Variants in TMEM39A observed in about 807,000 individuals in gnomAD.
The protein encoded by TMEM39A is suppressor of SQST-1 aggregates in rpl-43 mutants.
A neutral mutation model predicts 51.9 loss-of-function variants in TMEM39A; 19 were observed. The observed-to-expected ratio is 0.37, with a 90% CI of 0.26 to 0.54. The LOEUF (loss-of-function observed/expected upper bound fraction) is 0.54. TMEM39A is among the 20% of genes least tolerant of loss of function. The probability of loss-of-function intolerance (pLI) is 0.88; values close to 1 mark genes in which losing one functional copy is unlikely to be tolerated. For missense variants in TMEM39A, 433 were observed against 590.5 expected (o/e 0.73, Z 2.76); for synonymous variants, 197 against 220.2 (o/e 0.89, Z 0.93).
chr3:119,435,400 A>C, intron 7 of TMEM39A: 3 of 985,292 alleles, frequency 3.0e-6, no homozygotes, highest in Non-Finnish European at 3.6e-6. Context: ...AACTGTAAGA[A>C]GATATACAGT....
chr3:119,441,017 T>C (rs945344197), intron 5 of TMEM39A, among the ~76,000 whole-genome samples: 1 of 152,216 alleles, frequency 6.6e-6, no homozygotes, highest in Non-Finnish European at 1.5e-5. Flanking sequence ...GTAATTGTTT[T>C]GGGGCACTAC....
intron 5 of TMEM39A, among the ~76,000 whole-genome samples, chr3:119,443,664 C>T (rs572654948): frequency 2.0e-5 from 3 of 152,140 alleles, no homozygotes; most frequent in African/African-American, 4.8e-5. Context: ...CTCTGTAACC[C>T]CAGCACTTTG....
chr3:119,442,167 C>T (rs1217112396), intron 5 of TMEM39A, among the ~76,000 whole-genome samples: 1 of 152,060 alleles, frequency 6.6e-6, no homozygotes, highest in Non-Finnish European at 1.5e-5. Flanking sequence ...ATAGCGAAAC[C>T]CCGACTCTAC....
chr3:119,441,630 C>CA (rs1203067581), intron 5 of TMEM39A, among the ~76,000 whole-genome samples: 1 of 152,186 alleles, frequency 6.6e-6, no homozygotes, highest in Non-Finnish European at 1.5e-5. Flanking sequence ...TGTGAAACAG[C>CA]AAGTGTGAAT....
Position 119,437,988 on chromosome 3 carries a change from C to T in TMEM39A, c.691G>A (p.Val231Met). 6.8e-6 allele frequency: 11 copies of T among 1,614,184 alleles called. No homozygotes were observed. Among genetic ancestry groups the T allele is most frequent in the African/African-American group, 4.0e-5 (3 of 75,058 alleles). Residue 231 changes from valine (V) to methionine (M), a missense_variant, in exon 6 of 9, where the codon GTG becomes ATG. Physicochemically the swap from Val to Met is conservative, Grantham distance 21. Coordinates refer to ENST00000319172, the MANE Select transcript of TMEM39A (RefSeq NM_018266.3). ...TCTTTGGATTTGGCCAAGCCTCCCA[C>T]AGTCGAGGCACTTTCCTCTACTGCC... ...HEAVEESAST[V>M]GGLAKSKDFL...
intron 7 of TMEM39A, 29 bp from the exon 8 acceptor site, chr3:119,434,911 A>G: frequency 6.2e-7 from 1 of 1,608,774 alleles, no homozygotes; most frequent in Non-Finnish European, 8.5e-7. Context: ...CAATGTTAGC[A>G]TATTGGCAAT....
intron 4 of TMEM39A, among the ~76,000 whole-genome samples, chr3:119,448,223 AACTG>A (rs1281500664): frequency 5.3e-5 from 8 of 152,198 alleles, no homozygotes; most frequent in African/African-American, 1.9e-4. Context: ...AAATCTTTAA[AACTG>A]ACTAAATATA....
At chr3:119,432,539 T>C (rs2080915041) in intron 8 of TMEM39A, among the ~76,000 whole-genome samples, 1 of 152,144 alleles carries the variant, frequency 6.6e-6, no homozygotes, top group Admixed American at 6.5e-5. Context: ...AACACAAAAG[T>C]ATATTCATCT....
At chr3:119,432,528 A>C (rs2080914870) in intron 8 of TMEM39A, among the ~76,000 whole-genome samples, 1 of 152,196 alleles carries the variant, frequency 6.6e-6, no homozygotes, top group East Asian at 1.9e-4. Context: ...TATTTAGGAT[A>C]AACACAAAAG....
rs114065322 is a variant in TMEM39A, at chr3:119,460,695, G to A, written c.113+1267C>T. Reference sequence around the variant, plus strand: ...ATAATTATCTAGAGGAATCCTCAAAGCCAAAGTCAAAGAGAACGAACAAAG... The same window carrying A: ...ATAATTATCTAGAGGAATCCTCAAAACCAAAGTCAAAGAGAACGAACAAAG... On this transcript the variant is annotated intron_variant, in intron 2 of 8. Coordinates refer to ENST00000319172, the MANE Select transcript of TMEM39A (RefSeq NM_018266.3). Among the ~76,000 whole-genome samples the A allele has an allele frequency of 2.0e-4, 31 of 152,178 alleles. 1 individual carries two copies. Among genetic ancestry groups the A allele is most frequent in the Non-Finnish European group, 3.8e-4 (26 of 67,984 alleles).
chr3:119,457,997 T>TA (rs770188162), intron 3 of TMEM39A, 21 bp downstream of exon 3: 36 of 1,577,922 alleles, frequency 2.3e-5, no homozygotes, highest in South Asian at 2.2e-5. Context: ...ATGAAGAACT[T>TA]AAAGTCTGAG....
At chr3:119,458,840 AGCTG>A (rs2081299856) in intron 2 of TMEM39A, among the ~76,000 whole-genome samples, 1 of 152,186 alleles carries the variant, frequency 6.6e-6, no homozygotes, top group Non-Finnish European at 1.5e-5. Context: ...GGTTGTGGTG[AGCTG>A]AGGTAGCACC....
Position 119,439,450 on chromosome 3 carries a change from G to A in TMEM39A, c.576-1347C>T, listed in dbSNP as rs139221810. 2.0e-3 allele frequency among the ~76,000 whole-genome samples: 298 copies of A among 151,794 alleles called. 3 individuals are homozygous for A. The highest frequency in any genetic ancestry group is 6.4e-3 in the African/African-American group (265 of 41,350). On this transcript the variant is annotated intron_variant, in intron 5 of 8. Transcript: ENST00000319172. ...ACAAAAATTAGCTGGGTGTGGTGGC[G>A]CGCACCTGCAATCCCAGCTACTCGG... is the stretch of plus-strand genomic sequence containing the variant.
At chr3:119,433,497 CA>C (rs1359689915) in intron 8 of TMEM39A, among the ~76,000 whole-genome samples, 1 of 152,164 alleles carries the variant, frequency 6.6e-6, no homozygotes, top group Non-Finnish European at 1.5e-5. Context: ...AGTAATAAAT[CA>C]ACTTGCCTAA....
At chr3:119,446,276 A>C (rs540743872) in intron 5 of TMEM39A, among the ~76,000 whole-genome samples, 1 of 152,344 alleles carries the variant, frequency 6.6e-6, no homozygotes, top group Admixed American at 6.5e-5. Context: ...TGTGAGCATA[A>C]CTACACTTTG....
intron 4 of TMEM39A, among the ~76,000 whole-genome samples, chr3:119,450,714 C>T (rs2081186548): frequency 6.7e-6 from 1 of 148,212 alleles, no homozygotes; most frequent in Non-Finnish European, 1.5e-5. Flanking sequence ...CCCAGCTACT[C>T]AGGAGGCTGA....
intron 7 of TMEM39A, chr3:119,436,079 G>A (rs753217802): frequency 4.0e-6 from 2 of 501,802 alleles, no homozygotes; most frequent in Non-Finnish European, 6.7e-6. Flanking sequence ...AAAGGGGGAA[G>A]ATGAAGATGG....
intron 5 of TMEM39A, among the ~76,000 whole-genome samples, chr3:119,446,157 T>C (rs1234816746): frequency 6.6e-6 from 1 of 152,244 alleles, no homozygotes; most frequent in African/African-American, 2.4e-5. Flanking sequence ...ATTCTTACAG[T>C]AAATCTTAGC....
chr3:119,462,356 T>C (rs1314877088), intron 1 of TMEM39A, among the ~76,000 whole-genome samples: 1 of 152,172 alleles, frequency 6.6e-6, no homozygotes, highest in Non-Finnish European at 1.5e-5. Flanking sequence ...TCTGTTCAGC[T>C]TTAGGCAAGT....
Sources: allele counts gnomAD v4.1 joint callset (sites outside exome capture counted in the v4.1 genomes callset), GRCh38; gene constraint gnomAD v4.1.1; transcripts MANE v1.5; gene names NCBI Gene and HGNC (gene_info 2026-07-23, HGNC 2026-07-21).